Variants in XYLB observed in about 807,000 individuals in gnomAD.
The protein encoded by XYLB is xylulokinase.
XYLB carries 62 observed loss-of-function variants against 78.7 expected under a neutral mutation model. The observed-to-expected ratio is 0.79, with a 90% CI of 0.64 to 0.97. The LOEUF is 0.97. Among genes scored for constraint, XYLB ranks in the 50% least tolerant of loss-of-function variants. The pLI, the probability that XYLB is intolerant of heterozygous loss-of-function variation, is 0.00. For synonymous variants in XYLB, 245 were observed against 247.4 expected (o/e 0.99, Z 0.09); for missense variants, 687 against 676.8 (o/e 1.02, Z -0.17).
At chr3:38,405,749 G>A (rs1325926120) in intron 18 of XYLB, among the ~76,000 whole-genome samples, 4 of 152,264 alleles carry the variant, frequency 2.6e-5, no homozygotes, top group African/African-American at 4.8e-5. Context: ...ACCTGGCTCA[G>A]AGGGTCCTAC....
At chr3:38,438,802 A>T in the XYLB span, among the ~76,000 whole-genome samples, 1 of 152,134 alleles carries the variant, frequency 6.6e-6, no homozygotes, top group Non-Finnish European at 1.5e-5. Flanking sequence ...TGTCCTGCTG[A>T]TTGGTCCATT....
At position 38,347,304 on chromosome 3, in the gene XYLB, G is replaced by A. The variant is rs574034777; in HGVS notation, c.57+379G>A. Among the ~76,000 whole-genome samples, 10 of 152,372 alleles carry A rather than the reference G, an allele frequency of 6.6e-5. No individual in the cohort carries two copies. In the South Asian group the frequency reaches 2.1e-3, roughly 32 times the overall value. ...AAGGAAGTCAGCTACTGTAAGGCAG[G>A]GGAACAGACAGGCGGGTAGCCCTGC... On this transcript the variant is annotated intron_variant, in intron 1 of 18. Coordinates refer to ENST00000207870, the MANE Select transcript of XYLB (RefSeq NM_005108.4).
the XYLB span, among the ~76,000 whole-genome samples, chr3:38,432,432 C>A: frequency 1.3e-5 from 2 of 151,912 alleles, no homozygotes; most frequent in East Asian, 1.9e-4. Context: ...CTGGGCATGG[C>A]GGTGTGTGCC....
chr3:38,436,286 A>G, the XYLB span, among the ~76,000 whole-genome samples: 3 of 152,320 alleles, frequency 2.0e-5, no homozygotes, highest in South Asian at 6.2e-4. Flanking sequence ...AGGGACTACT[A>G]TGAACAATTA....
At chr3:38,395,922 A>G (rs1474958918) in intron 16 of XYLB, among the ~76,000 whole-genome samples, 2 of 152,196 alleles carry the variant, frequency 1.3e-5, no homozygotes, top group African/African-American at 2.4e-5. Flanking sequence ...TGATTCTCCA[A>G]CCAGTCCTCT....
chr3:38,354,391 A>T (rs2125555681), intron 2 of XYLB, among the ~76,000 whole-genome samples: 1 of 150,466 alleles, frequency 6.6e-6, no homozygotes, highest in Non-Finnish European at 1.5e-5. Flanking sequence ...AATATCTAGA[A>T]TTGTTGGTCC....
At chr3:38,347,300 G>T (rs1270909680) in intron 1 of XYLB, among the ~76,000 whole-genome samples, 1 of 152,232 alleles carries the variant, frequency 6.6e-6, no homozygotes, top group Non-Finnish European at 1.5e-5. Flanking sequence ...CTACTGTAAG[G>T]CAGGGGAACA....
intron 9 of XYLB, 148 bp from the exon 10 acceptor site, chr3:38,372,507 G>A (rs1706621158): frequency 6.8e-7 from 1 of 1,477,562 alleles, no homozygotes. Context: ...GTGACAGGAA[G>A]TGATGTGACT....
chr3:38,417,879 CA>C (rs534465318), downstream of XYLB, among the ~76,000 whole-genome samples: 1,001 of 91,506 alleles, frequency 0.011, 7 homozygotes, highest in African/African-American at 0.029. Context: ...GACTTCATCT[CA>C]AAAAAAAAAA....
downstream of XYLB, among the ~76,000 whole-genome samples, chr3:38,415,581 G>A (rs570848154): frequency 1.3e-5 from 2 of 152,180 alleles, no homozygotes; most frequent in East Asian, 1.9e-4. Flanking sequence ...TCAGGAGCTC[G>A]AGACCAGACT....
At position 38,414,652 on chromosome 3, in the gene XYLB, C is replaced by T. The variant is rs1708728221; in HGVS notation, c.*1639C>T. 1 of 152,082 alleles carries T rather than the reference C, an allele frequency of 6.6e-6. No homozygotes were observed. Among genetic ancestry groups the T allele is most frequent in the African/African-American group, 2.4e-5 (1 of 41,410 alleles). The allele number at this position is 152,082 out of a possible 1,614,324, so 9.4% of individuals were successfully genotyped here. ...ATATATGAGAAGAGAACTGACTGAA[C>T]TTGGGAAATAATTTGAACAAAAAGA... On this transcript the variant is annotated 3_prime_UTR_variant, in exon 19 of 19. Transcript: ENST00000207870.
At chr3:38,419,760 A>G (rs1033424535), downstream of XYLB, among the ~76,000 whole-genome samples, 1 of 150,674 alleles carries the variant, frequency 6.6e-6, no homozygotes, top group Non-Finnish European at 1.5e-5. Flanking sequence ...CATTTTTTCA[A>G]TTGTTTTTGC....
chr3:38,393,525 G>A (rs1205910577), intron 15 of XYLB, among the ~76,000 whole-genome samples: 3 of 152,192 alleles, frequency 2.0e-5, no homozygotes, highest in Non-Finnish European at 4.4e-5. Flanking sequence ...TGGCTTTGTA[G>A]TATGTCAGTA....
exon 18 of XYLB, among the ~76,000 whole-genome samples, chr3:38,420,099 G>A (rs905208223): frequency 2.0e-5 from 3 of 152,100 alleles, no homozygotes; most frequent in East Asian, 1.9e-4. Context: ...ATTAACAGGC[G>A]TGAGCCACCA....
chr3:38,444,265 C>G, the XYLB span, among the ~76,000 whole-genome samples: 1 of 152,122 alleles, frequency 6.6e-6, no homozygotes, highest in African/African-American at 2.4e-5. Flanking sequence ...CTGGATTGGG[C>G]CAAATTCCCC....
chr3:38,353,885 TAAA>T (rs71085315), intron 2 of XYLB, among the ~76,000 whole-genome samples: 4,532 of 122,010 alleles, frequency 0.037, 102 homozygotes, highest in African/African-American at 0.072. Context: ...AGACTCCATA[TAAA>T]AAAAAAAAAA....
intron 15 of XYLB, among the ~76,000 whole-genome samples, chr3:38,393,866 C>T (rs1001037115): frequency 1.3e-5 from 2 of 152,200 alleles, no homozygotes; most frequent in Non-Finnish European, 2.9e-5. Context: ...AATACACTCA[C>T]ATTCTGAGAA....
chr3:38,376,214 G>A lies in XYLB; in HGVS notation c.1102G>A (p.Gly368Ser). 1 of 1,613,120 alleles carries A rather than the reference G, an allele frequency of 6.2e-7. No individual in the cohort carries two copies. Among genetic ancestry groups the A allele is most frequent in the Non-Finnish European group, 8.5e-7 (1 of 1,179,056 alleles). Residue 368 changes from glycine (G) to serine (S), a missense_variant, in exon 13 of 19, where the codon GGC becomes AGC. Gly to Ser is a moderately conservative substitution (Grantham distance 56, BLOSUM62 0). Transcript: ENST00000207870. ...TAAGGCACTGCAGTCCACAGAGATG[G>A]GCAACGGTGGAAACCTGGGTAGGCC... is the stretch of plus-strand genomic sequence containing the variant. ...FSKALQSTEM[G>S]NGGNLGFYFD... is the part of the protein sequence containing the mutation.
chr3:38,380,907 A>G (rs1466492566), intron 15 of XYLB, among the ~76,000 whole-genome samples: 1 of 152,260 alleles, frequency 6.6e-6, no homozygotes, highest in Non-Finnish European at 1.5e-5. Context: ...ACCAAATGTA[A>G]CACTGAGCAA....
Sources: gnomAD v4.1 joint callset for allele counts (sites outside exome capture counted in the v4.1 genomes callset) on GRCh38, gnomAD v4.1.1 for gene constraint, MANE v1.5 for transcripts, NCBI Gene and HGNC (gene_info 2026-07-23, HGNC 2026-07-21) for gene names.